Variants in NMUR1 observed in about 807,000 individuals in gnomAD.
NMUR1 encodes neuromedin U receptor 1.
Under a neutral mutation model 18.8 loss-of-function variants are expected in NMUR1, and 16 were observed. The ratio of observed to expected loss-of-function variants is 0.85; its 90% CI spans 0.58 to 1.29. The LOEUF (loss-of-function observed/expected upper bound fraction) is 1.29. Among genes scored for constraint, NMUR1 ranks in the 50% most tolerant of loss-of-function variants. NMUR1 has a pLI of 0.00. For synonymous variants in NMUR1, 258 were observed against 258.2 expected, an observed-to-expected ratio of 1.00 and a Z score of 0.01; for missense variants, 529 against 580.3, an observed-to-expected ratio of 0.91 and a Z score of 0.91.
downstream of NMUR1, among the ~76,000 whole-genome samples, chr2:231,520,940 T>G (rs1447996483): frequency 6.6e-6 from 1 of 152,212 alleles, no homozygotes; most frequent in Non-Finnish European, 1.5e-5. Flanking sequence ...AGGGAAGAAT[T>G]ATTCCAGTGT....
chr2:231,526,222 T>C (rs1401608839), intron 2 of NMUR1, among the ~76,000 whole-genome samples: 1 of 152,234 alleles, frequency 6.6e-6, no homozygotes, highest in African/African-American at 2.4e-5. Context: ...CTGTGATTTT[T>C]GTTCCTTGTT....
chr2:231,527,695 T>A (rs1271355623), intron 2 of NMUR1, among the ~76,000 whole-genome samples: 1 of 149,188 alleles, frequency 6.7e-6, no homozygotes, highest in Non-Finnish European at 1.5e-5. Flanking sequence ...AGGGTCCAGA[T>A]CCCATTTTCT....
chr2:231,529,335 C>G (rs2047392949), intron 1 of NMUR1, among the ~76,000 whole-genome samples: 1 of 152,118 alleles, frequency 6.6e-6, no homozygotes, highest in Non-Finnish European at 1.5e-5. Context: ...TAGCACACGC[C>G]TGTAATTCCA....
intron 2 of NMUR1, 44 bp downstream of exon 2, chr2:231,528,079 A>G: frequency 6.6e-7 from 1 of 1,511,400 alleles, no homozygotes; most frequent in Non-Finnish European, 8.8e-7. Flanking sequence ...CCAAACTCAT[A>G]CCCAGTGCCT....
rs113464185 is a variant in NMUR1, at chr2:231,528,486, G to T, written c.535C>A (p.Arg179Ser). 3.7e-6 allele frequency: 6 copies of T among 1,613,654 alleles called. No individual in the cohort carries two copies. The highest frequency in any genetic ancestry group is 5.1e-6 in the Non-Finnish European group (6 of 1,180,022). ...ARSMVTRAHV[R>S]RVLGAVWGLA... is the part of the protein sequence containing the mutation. ...CCCCAGACGGCCCCAAGCACTCGGC[G>T]CACATGGGCCCGCGTCACCATGGAC... The change falls in exon 2 of 3, where the codon CGC becomes AGC. Residue 179 changes from arginine to serine, a missense_variant. Physicochemically the swap from Arg to Ser is moderately radical, Grantham distance 110. Transcript: ENST00000305141.
chr2:231,530,303 A>C (rs545159014), intron 1 of NMUR1, 56 bp downstream of exon 1: 368 of 1,498,412 alleles, frequency 2.5e-4, no homozygotes, highest in Non-Finnish European at 3.0e-4. Context: ...CCCTGCCCGC[A>C]CCGAGCCCCG....
intron 1 of NMUR1, 26 bp downstream of exon 1, chr2:231,530,333 G>A: frequency 6.7e-7 from 1 of 1,496,016 alleles, no homozygotes. Flanking sequence ...CCGCGCCCTA[G>A]CCCACGCCGG....
At chr2:231,522,368 C>T (rs2047313394), downstream of NMUR1, among the ~76,000 whole-genome samples, 2 of 151,872 alleles carry the variant, frequency 1.3e-5, no homozygotes, top group African/African-American at 4.8e-5. Flanking sequence ...TCCAGGGTGC[C>T]TCGAGCATGA....
chr2:231,528,611 C>A lies in NMUR1; in HGVS notation c.410G>T (p.Arg137Leu), dbSNP rs762300187. 3.7e-6 allele frequency: 6 copies of A among 1,614,196 alleles called. No individual in the cohort carries two copies. Among genetic ancestry groups the A allele is most frequent in the Non-Finnish European group, 4.2e-6 (5 of 1,180,044 alleles). The change falls in exon 2 of 3, where the codon CGC (arginine) becomes CTC (leucine). Residue 137 changes from arginine to leucine, a missense_variant. Arg to Leu is a moderately radical substitution (Grantham distance 102, BLOSUM62 -2). Transcript: ENST00000305141. Reference sequence around the variant, plus strand: ...GCAGACCATCTCAAACAGTAGCGTGCGGAAATAGCAGCCACCAACGCCCAG... The same window carrying A: ...GCAGACCATCTCAAACAGTAGCGTGAGGAAATAGCAGCCACCAACGCCCAG... ...FLLGVGGCYF[R>L]TLLFEMVCLA...
In NMUR1 at chr2:231,528,935, C is replaced by A. The variant is rs1220281497; in HGVS notation, c.86G>T (p.Ser29Ile). ...AGGGTCAAAGTGCCCCCTGGCCGCA[C>A]TGCCATTGCAAGCCATGGGGTTCCT... is the stretch of plus-strand genomic sequence containing the variant. The part of the protein sequence containing the change: ...GARNPMACNG[S>I]AARGHFDPED... The change falls in exon 2 of 3, where the codon AGT (serine) becomes ATT (isoleucine). Residue 29 changes from serine to isoleucine, a missense_variant. By Grantham distance (142) the Ser-to-Ile change is moderately radical. Transcript: ENST00000305141. 6.2e-7 allele frequency: 1 copy of A among 1,614,164 alleles called. No individual in the cohort carries two copies. The highest frequency in any genetic ancestry group is 1.7e-5 in the Admixed American group (1 of 60,020).
At chr2:231,526,555 T>C (rs3769987) in intron 2 of NMUR1, among the ~76,000 whole-genome samples, 54,229 of 152,104 alleles carry the variant, frequency 0.36, 10,165 homozygotes, top group South Asian at 0.51. Flanking sequence ...CAGCTGGTCC[T>C]GAGCACAGGC....
rs775727989 is a variant in NMUR1 at position 231,528,880 on chromosome 2, C to T, written c.141G>A (p.Leu47=). The stretch of plus-strand genomic sequence containing the variant: ...GCTGGGGCCCCAGGTACTTGAGTCT[C>T]AGTGCCTCGTCAGTCAGGTTCAAGT... ...PEDLNLTDEA[L]RLKYLGPQQT... Residue 47 remains leucine (L), a synonymous_variant, in exon 2 of 3, where the codon CTG becomes CTA. Coordinates refer to ENST00000305141, the MANE Select transcript of NMUR1 (RefSeq NM_006056.5). 3 of 1,614,222 alleles carry T rather than the reference C, an allele frequency of 1.9e-6. No individual in the cohort carries two copies. The highest frequency in any genetic ancestry group is 2.5e-6 in the Non-Finnish European group (3 of 1,180,034).
At chr2:231,529,785 C>T (rs1359055869) in intron 1 of NMUR1, among the ~76,000 whole-genome samples, 3 of 152,172 alleles carry the variant, frequency 2.0e-5, no homozygotes, top group African/African-American at 4.8e-5. Flanking sequence ...TTAGGAGGAT[C>T]CAGGGAGTTT....
At chr2:231,520,468 T>G (rs1277907545), downstream of NMUR1, among the ~76,000 whole-genome samples, 1 of 152,182 alleles carries the variant, frequency 6.6e-6, no homozygotes, top group Non-Finnish European at 1.5e-5. Context: ...GTGGAGAGTG[T>G]CCAGAACTCT....
At chr2:231,520,405 C>T (rs540478752), downstream of NMUR1, among the ~76,000 whole-genome samples, 19 of 152,320 alleles carry the variant, frequency 1.2e-4, no homozygotes, top group South Asian at 3.7e-3. Context: ...ATACAGGTCC[C>T]ACGTTGGGTC....
rs578019815 is a variant in NMUR1 at position 231,523,423 on chromosome 2, C to T, written c.*1620G>A. ...AAGAACTCCTCACTTGCCCTTCCCC[C>T]ATTCCCTGGCAAGAGAGGTTTTACA... is the stretch of plus-strand genomic sequence containing the variant. On this transcript the variant is annotated 3_prime_UTR_variant, in exon 3 of 3. Coordinates refer to ENST00000305141, the MANE Select transcript of NMUR1 (RefSeq NM_006056.5). 8 of 337,704 alleles carry T rather than the reference C, an allele frequency of 2.4e-5. No homozygotes were observed. Among genetic ancestry groups the T allele is most frequent in the Non-Finnish European group, 4.3e-5 (8 of 184,594 alleles). 20.9% of individuals were successfully genotyped at this position (337,704 alleles called of 1,614,324 possible).
chr2:231,526,631 A>C (rs1575287486), intron 2 of NMUR1, among the ~76,000 whole-genome samples: 1 of 152,302 alleles, frequency 6.6e-6, no homozygotes, highest in East Asian at 1.9e-4. Flanking sequence ...GGAGCTGCAC[A>C]AGAGACTGAG....
chr2:231,525,226 G>T lies in NMUR1; in HGVS notation c.1098C>A (p.Thr366=). 1 of 1,614,174 alleles carries T rather than the reference G, an allele frequency of 6.2e-7. No individual in the cohort carries two copies. ...CCCCGAGGCACAGGGCCTCCTGGAA[G>T]GTCTCTCGGAAGCGGCTGGACATGA... ...YSLMSSRFRE[T]FQEALCLGAC... is the part of the protein sequence containing the mutation. Residue 366 remains threonine (T), a synonymous_variant, in exon 3 of 3, where the codon ACC becomes ACA. Transcript: ENST00000305141.
At position 231,523,441 on chromosome 2, in the gene NMUR1, G is replaced by A. The variant is rs2047323329; in HGVS notation, c.*1602C>T. The A allele has an allele frequency of 1.2e-5, 4 of 329,842 alleles. No homozygotes were observed. The East Asian group carries it at 1.6e-4, about 13-fold the overall frequency. The allele number at this position is 329,842 out of a possible 1,614,324, so 20.4% of individuals were successfully genotyped here. A position where few individuals can be genotyped will look rare whatever the true frequency, so the allele number is the denominator to read the frequency against. On this transcript the variant is annotated 3_prime_UTR_variant, in exon 3 of 3. Coordinates refer to ENST00000305141, the MANE Select transcript of NMUR1 (RefSeq NM_006056.5). ...CTTCCCCCATTCCCTGGCAAGAGAG[G>A]TTTTACATTTTTAAAATTGTTTTCA...
Sources: gnomAD v4.1 joint callset for allele counts (sites outside exome capture counted in the v4.1 genomes callset) on GRCh38, gnomAD v4.1.1 for gene constraint, MANE v1.5 for transcripts, NCBI Gene and HGNC (gene_info 2026-07-23, HGNC 2026-07-21) for gene names.